The following RBFOX1 variants were observed in gnomAD, a reference collection of about 807,000 sequenced individuals.
RBFOX1 encodes the protein RNA binding fox-1 homolog 1, also known as RNA binding protein fox-1 homolog 1.
A neutral mutation model predicts 57.7 loss-of-function variants in RBFOX1; 8 were observed. That is an observed-to-expected ratio of 0.14 (90% CI 0.08 to 0.25). The LOEUF (loss-of-function observed/expected upper bound fraction) is 0.25. Among genes scored for constraint, RBFOX1 ranks in the 10% least tolerant of loss-of-function variants. The pLI is 1.00. For missense variants in RBFOX1, 611 were observed against 548.5 expected (o/e 1.11, Z -1.14); for synonymous variants, 326 against 222.4 (o/e 1.47, Z -4.15).
intron 2 of RBFOX1, among the ~76,000 whole-genome samples, chr16:5,518,063 A>C (rs547198652): frequency 6.6e-6 from 1 of 152,180 alleles, no homozygotes; most frequent in Non-Finnish European, 1.5e-5. Context: ...TAAAGAGTGC[A>C]AACATAAAAC....
At chr16:6,467,598 A>T (rs563479937) in intron 2 of RBFOX1, among the ~76,000 whole-genome samples, 1 of 152,282 alleles carries the variant, frequency 6.6e-6, no homozygotes, top group Non-Finnish European at 1.5e-5. Flanking sequence ...TTTGGAGGAA[A>T]AATGTTGTTT....
chr16:6,786,089 G>A (rs1031083550), intron 3 of RBFOX1, among the ~76,000 whole-genome samples: 1 of 152,220 alleles, frequency 6.6e-6, no homozygotes, highest in African/African-American at 2.4e-5. Flanking sequence ...TTCAGGGCCT[G>A]GAGTGGGCTT....
rs1179276617 is a variant in RBFOX1 at position 6,450,857 on chromosome 16, A to ATG, written c.-64+133801_-64+133802insGT. Among the ~76,000 whole-genome samples the ATG allele has an allele frequency of 5.2e-3, 434 of 82,682 alleles. 73 individuals are homozygous for ATG. Among genetic ancestry groups the ATG allele is most frequent in the Non-Finnish European group, 8.1e-3 (357 of 44,306 alleles). The allele number at this position is 82,682 out of a possible 152,430, so 54.2% of individuals were successfully genotyped here. A position where few individuals can be genotyped will look rare whatever the true frequency, so the allele number is the denominator to read the frequency against. On this transcript the variant is annotated intron_variant, in intron 2 of 15. Coordinates refer to ENST00000550418, the MANE Select transcript of RBFOX1 (RefSeq NM_018723.4). ...TATATGTGTATATATATATATATAT[A>ATG]TATATATATATATATATCTCCTCTG...
intron 10 of RBFOX1, among the ~76,000 whole-genome samples, chr16:7,621,834 C>T (rs796607139): frequency 1.3e-5 from 2 of 152,140 alleles, no homozygotes; most frequent in Non-Finnish European, 2.9e-5. Flanking sequence ...AAGGGCCAGA[C>T]AGTAAACACT....
intron 1 of RBFOX1, among the ~76,000 whole-genome samples, chr16:5,317,482 G>A (rs374072483): frequency 1.3e-5 from 2 of 152,150 alleles, no homozygotes; most frequent in Non-Finnish European, 2.9e-5. Flanking sequence ...GGTGGCGCAC[G>A]CCTGCAATCT....
intron 4 of RBFOX1, among the ~76,000 whole-genome samples, chr16:7,327,004 A>G (rs771972150): frequency 3.3e-5 from 5 of 152,182 alleles, no homozygotes; most frequent in African/African-American, 7.2e-5. Flanking sequence ...ATTTGAGCCA[A>G]TCTGCCTTCT....
At chr16:7,702,029 G>A (rs532031214) in intron 14 of RBFOX1, among the ~76,000 whole-genome samples, 1 of 152,300 alleles carries the variant, frequency 6.6e-6, no homozygotes, top group Non-Finnish European at 1.5e-5. Flanking sequence ...TACCTGCATA[G>A]TGCACTGAGA....
chr16:7,095,620 A>G (rs1466245502), intron 4 of RBFOX1, among the ~76,000 whole-genome samples: 2 of 152,180 alleles, frequency 1.3e-5, no homozygotes, highest in Admixed American at 1.3e-4. Flanking sequence ...ATGTCATGAT[A>G]CATACCAGGT....
chr16:7,661,146 A>G (rs780440816), intron 12 of RBFOX1, among the ~76,000 whole-genome samples: 11 of 152,154 alleles, frequency 7.2e-5, no homozygotes, highest in Non-Finnish European at 1.5e-4. Flanking sequence ...TTCCCATTAC[A>G]TGGCTTTATT....
chr16:6,343,398 C>G (rs993483582), intron 2 of RBFOX1, among the ~76,000 whole-genome samples: 1 of 152,140 alleles, frequency 6.6e-6, no homozygotes, highest in South Asian at 2.1e-4. Flanking sequence ...TTATGCTCAG[C>G]AGTTGTTAAA....
intron 3 of RBFOX1, among the ~76,000 whole-genome samples, chr16:6,744,108 T>C (rs2072998317): frequency 6.6e-6 from 1 of 152,016 alleles, no homozygotes; most frequent in Non-Finnish European, 1.5e-5. Flanking sequence ...ATCACACAAA[T>C]AGATTCTAGA....
chr16:7,439,759 T>C (rs564941312), intron 4 of RBFOX1, among the ~76,000 whole-genome samples: 1 of 152,168 alleles, frequency 6.6e-6, no homozygotes, highest in Non-Finnish European at 1.5e-5. Flanking sequence ...TATTCTTTCC[T>C]GAGCATCTAC....
At chr16:6,842,446 C>T (rs1012709511) in intron 3 of RBFOX1, among the ~76,000 whole-genome samples, 2 of 152,048 alleles carry the variant, frequency 1.3e-5, no homozygotes, top group Non-Finnish European at 2.9e-5. Flanking sequence ...TGACCTTGCT[C>T]TATATTTATA....
intron 4 of RBFOX1, among the ~76,000 whole-genome samples, chr16:7,222,851 A>T (rs947054246): frequency 6.6e-6 from 1 of 152,182 alleles, no homozygotes; most frequent in Non-Finnish European, 1.5e-5. Context: ...ATTTACAGGC[A>T]TTGGTTGGTG....
chr16:6,543,760 C>T (rs926152010), intron 2 of RBFOX1, among the ~76,000 whole-genome samples: 5 of 152,036 alleles, frequency 3.3e-5, no homozygotes, highest in Admixed American at 1.3e-4. Flanking sequence ...GAATCTCTTT[C>T]TAAACACTTA....
At chr16:6,873,385 T>C (rs960580902) in intron 3 of RBFOX1, among the ~76,000 whole-genome samples, 2 of 152,188 alleles carry the variant, frequency 1.3e-5, no homozygotes, top group Non-Finnish European at 2.9e-5. Flanking sequence ...CTTTGAGTTA[T>C]GTAAGCAGAA....
chr16:5,544,800 A>G (rs906373623), intron 2 of RBFOX1, among the ~76,000 whole-genome samples: 2 of 152,190 alleles, frequency 1.3e-5, no homozygotes, highest in African/African-American at 2.4e-5. Flanking sequence ...TGAATGAGAT[A>G]GATAAATTCC....
Position 5,947,215 on chromosome 16 carries a change from C to G in RBFOX1, c.351+79880C>G, listed in dbSNP as rs1392042143. ...TGGGTGGCAGAGTGAGACTCTGTCT[C>G]TAAAACAAAACAAACCAGAAGAAAG... On this transcript the variant is annotated intron_variant, in intron 4 of 19. Coordinates refer to the RBFOX1 transcript ENST00000641259. This position sits in a 1 kb window ranked among gnomAD's most constrained non-coding sequence, Gnocchi z 7.2. Among the ~76,000 whole-genome samples, 1 of 152,072 alleles carries G rather than the reference C, an allele frequency of 6.6e-6. No homozygotes were observed. Among genetic ancestry groups the G allele is most frequent in the Non-Finnish European group, 1.5e-5 (1 of 68,014 alleles).
intron 3 of RBFOX1, among the ~76,000 whole-genome samples, chr16:6,656,931 C>T (rs866406280): frequency 0.023 from 1,300 of 55,416 alleles, 91 homozygotes; most frequent in East Asian, 0.076. Context: ...TCCTCTCCTC[C>T]CCTCTCCTCC....
Sources: gnomAD v4.1 joint callset for allele counts (sites outside exome capture counted in the v4.1 genomes callset) on GRCh38, gnomAD v4.1.1 for gene constraint, Gnocchi (gnomAD v3.1) non-coding constraint, MANE v1.5 for transcripts, NCBI Gene and HGNC (gene_info 2026-07-23, HGNC 2026-07-21) for gene names.